RPS6KB1: variants seen among roughly 807,000 people sequenced by gnomAD.
The protein encoded by RPS6KB1 is ribosomal protein S6 kinase beta-1.
RPS6KB1 carries 12 observed loss-of-function variants against 70.2 expected under a neutral mutation model. The ratio of observed to expected loss-of-function variants is 0.17; its 90% confidence interval spans 0.11 to 0.28. RPS6KB1 has a LOEUF of 0.28. RPS6KB1 is among the 10% of genes least tolerant of loss of function. The probability of loss-of-function intolerance (pLI) is 1.00; values close to 1 mark genes in which losing one functional copy is unlikely to be tolerated. For synonymous variants in RPS6KB1, 175 were observed against 211.2 expected (o/e 0.83, Z 1.49); for missense variants, 270 against 646.6 (o/e 0.42, Z 6.32).
At chr17:59,913,866 A>T (rs888922050) in intron 3 of RPS6KB1, 1 of 151,942 alleles carries the variant, frequency 6.6e-6, no homozygotes, top group African/African-American at 2.4e-5. Flanking sequence ...ACATCCGGCT[A>T]ATTTTTGTAT....
At chr17:59,910,654 C>T in intron 2 of RPS6KB1, 43 bp downstream of exon 2, 2 of 1,305,544 alleles carry the variant, frequency 1.5e-6, no homozygotes, top group Non-Finnish European at 2.2e-6. Context: ...GTCTTTCTTA[C>T]AAGTAGGTTT....
rs201664077 is a variant in RPS6KB1, at chr17:59,946,672, A to G, written c.1462A>G (p.Met488Val). ...TGGCATAGAGCAGATGGATGTGACA[A>G]TGAGTGGGGAAGCATCGGCACCACT... ...TSGIEQMDVT[M>V]SGEASAPLPI... The change falls in exon 15 of 15, where the codon ATG becomes GTG. Residue 488 changes from methionine to valine, a missense_variant. Transcript: ENST00000225577. The surrounding 1 kb of genome is among the most constrained non-coding windows in gnomAD (Gnocchi z 4.2). 7.4e-6 allele frequency: 12 copies of G among 1,614,180 alleles called. No individual in the cohort carries two copies. The highest frequency in any genetic ancestry group is 2.2e-5 in the East Asian group (1 of 44,880).
intron 1 of RPS6KB1, among the ~76,000 whole-genome samples, chr17:59,907,759 C>G (rs2144745984): frequency 6.6e-6 from 1 of 152,178 alleles, no homozygotes; most frequent in South Asian, 2.1e-4. Context: ...CCAGGCTGGT[C>G]TTGAACTCCA....
chr17:59,925,844 C>T (rs1313776408), intron 4 of RPS6KB1, among the ~76,000 whole-genome samples: 5 of 152,146 alleles, frequency 3.3e-5, no homozygotes, highest in African/African-American at 9.6e-5. Context: ...AATGGGGTCA[C>T]GCTTGTTACC....
At chr17:59,909,603 G>A (rs2042504976) in intron 1 of RPS6KB1, among the ~76,000 whole-genome samples, 1 of 151,610 alleles carries the variant, frequency 6.6e-6, no homozygotes, top group Non-Finnish European at 1.5e-5. Flanking sequence ...GGGGCCGGGT[G>A]TGATGGCTCA....
Position 59,934,614 on chromosome 17 carries a change from C to T in RPS6KB1, c.870+90C>T, listed in dbSNP as rs1190377003. ...TGTCCTGTGCTTTCTGAACATGTTA[C>T]CAGTGGAGTTTTCAAAGCCCAAAGA... is the stretch of plus-strand genomic sequence containing the variant. On this transcript the variant is annotated intron_variant, in intron 9 of 14. Coordinates refer to ENST00000225577, the MANE Select transcript of RPS6KB1 (RefSeq NM_003161.4). This position sits in a 1 kb window ranked among gnomAD's most constrained non-coding sequence, Gnocchi z 4.8. The T allele has an allele frequency of 1.1e-6, 1 of 938,478 alleles. No individual in the cohort carries two copies. The allele number at this position is 938,478 out of a possible 1,614,324, so 58.1% of individuals were successfully genotyped here.
At chr17:59,943,873 C>CA (rs61529575) in intron 13 of RPS6KB1, among the ~76,000 whole-genome samples, 1,787 of 99,134 alleles carry the variant, frequency 0.018, 16 homozygotes, top group Middle Eastern at 0.027. Flanking sequence ...GAATCCATCT[C>CA]AAAAAAAAAA....
At chr17:59,939,182 T>C (rs908334956) in intron 12 of RPS6KB1, among the ~76,000 whole-genome samples, 1 of 152,182 alleles carries the variant, frequency 6.6e-6, no homozygotes, top group African/African-American at 2.4e-5. Flanking sequence ...CAATGAACTT[T>C]GTGTGTGTGT....
chr17:59,920,188 TTG>T (rs1305060402), intron 4 of RPS6KB1, among the ~76,000 whole-genome samples: 2 of 152,278 alleles, frequency 1.3e-5, no homozygotes, highest in African/African-American at 4.8e-5. Flanking sequence ...CAGCTAATTT[TTG>T]TATTTTTAGT....
chr17:59,935,921 C>T (rs1031597951), intron 10 of RPS6KB1, among the ~76,000 whole-genome samples: 2 of 151,772 alleles, frequency 1.3e-5, no homozygotes, highest in African/African-American at 4.8e-5. Context: ...AAGTGATTCT[C>T]CTGCCTCAGT....
Position 59,914,670 on chromosome 17 carries a change from T to C in RPS6KB1, c.348T>C (p.Thr116=). ...TACGAAAAGTAACAGGAGCAAATAC[T>C]GGGAAAATATTTGCCATGAAGGTGC... ...FQVRKVTGAN[T]GKIFAMKVLK... Residue 116 remains threonine (T), a synonymous_variant, in exon 4 of 15, where the codon ACT becomes ACC. Transcript: ENST00000225577. 6.2e-7 allele frequency: 1 copy of C among 1,613,068 alleles called. No homozygotes were observed. The highest frequency in any genetic ancestry group is 8.5e-7 in the Non-Finnish European group (1 of 1,179,764).
At chr17:59,924,329 GA>G (rs10718339) in intron 4 of RPS6KB1, among the ~76,000 whole-genome samples, 84,616 of 150,686 alleles carry the variant, frequency 0.56, 25,768 homozygotes, top group African/African-American at 0.82. Context: ...ACTCTGTCTA[GA>G]AAAAAAAAAT....
chr17:59,941,678 G>A (rs1338421209), intron 13 of RPS6KB1, among the ~76,000 whole-genome samples: 1 of 148,948 alleles, frequency 6.7e-6, no homozygotes, highest in Non-Finnish European at 1.5e-5. Context: ...TCTGTCACCA[G>A]GTTGGAGTGC....
intron 4 of RPS6KB1, among the ~76,000 whole-genome samples, chr17:59,916,320 G>T (rs182795230): frequency 5.3e-5 from 8 of 150,226 alleles, no homozygotes; most frequent in African/African-American, 7.4e-5. Flanking sequence ...TGCTGGTGTC[G>T]AACTCCTGAC....
chr17:59,903,542 T>G (rs1320877787), intron 1 of RPS6KB1, among the ~76,000 whole-genome samples: 4 of 152,154 alleles, frequency 2.6e-5, no homozygotes, highest in Non-Finnish European at 5.9e-5. Flanking sequence ...AGCATATACT[T>G]TTCATTTCTT....
At position 59,949,355 on chromosome 17, in the gene RPS6KB1, G is replaced by A. The variant is rs1392046928; in HGVS notation, c.*2567G>A. 4 of 152,496 alleles carry A rather than the reference G, an allele frequency of 2.6e-5. No homozygotes were observed. Among genetic ancestry groups the A allele is most frequent in the African/African-American group, 4.8e-5 (2 of 41,428 alleles). 9.4% of individuals were successfully genotyped at this position (152,496 alleles called of 1,614,324 possible). On this transcript the variant is annotated 3_prime_UTR_variant, in exon 15 of 15. Transcript: ENST00000225577. ...CAAGCATAGTTTAAAATATGATGTC[G>A]ATATTACTAGTCTTGAGTTTCTAAG...
chr17:59,923,348 A>G (rs2043393688), intron 4 of RPS6KB1, among the ~76,000 whole-genome samples: 2 of 151,840 alleles, frequency 1.3e-5, no homozygotes, highest in Non-Finnish European at 2.9e-5. Context: ...GTACTATCAC[A>G]CGTGGCTAAT....
intron 12 of RPS6KB1, among the ~76,000 whole-genome samples, chr17:59,938,924 A>C (rs955248014): frequency 6.6e-6 from 1 of 152,146 alleles, no homozygotes; most frequent in Non-Finnish European, 1.5e-5. Flanking sequence ...ATAGGCCTAA[A>C]ATGTCAGTAG....
chr17:59,941,347 G>GTC (rs957962150), intron 13 of RPS6KB1, among the ~76,000 whole-genome samples: 3 of 148,750 alleles, frequency 2.0e-5, no homozygotes, highest in Admixed American at 2.0e-4. Flanking sequence ...TTGAGACAGG[G>GTC]TCTCACCTTG....
Sources: gnomAD v4.1 joint callset for allele counts (sites outside exome capture counted in the v4.1 genomes callset) on GRCh38, gnomAD v4.1.1 for gene constraint, Gnocchi (gnomAD v3.1) non-coding constraint, MANE v1.5 for transcripts, NCBI Gene and HGNC (gene_info 2026-07-23, HGNC 2026-07-21) for gene names.